Variants in GDAP1 observed in about 807,000 individuals in gnomAD.
GDAP1 encodes ganglioside-induced differentiation-associated protein 1.
A neutral mutation model predicts 40.1 loss-of-function variants in GDAP1; 34 were observed. The ratio of observed to expected loss-of-function variants is 0.85; its 90% confidence interval spans 0.64 to 1.13. The LOEUF is 1.13. GDAP1 is among the 50% of genes most tolerant of loss of function. GDAP1 has a pLI of 0.00. For synonymous variants in GDAP1, 170 were observed against 157.4 expected (o/e 1.08, Z -0.60); for missense variants, 374 against 433.7 (o/e 0.86, Z 1.22).
intron 2 of GDAP1, among the ~76,000 whole-genome samples, chr8:74,485,900 A>G (rs1352703574): frequency 6.6e-6 from 1 of 152,186 alleles, no homozygotes; most frequent in Non-Finnish European, 1.5e-5. Flanking sequence ...AAACATGGCA[A>G]CAGTGATGAT....
At chr8:74,460,242 A>G (rs1401515380) in intron 2 of GDAP1, among the ~76,000 whole-genome samples, 1 of 152,228 alleles carries the variant, frequency 6.6e-6, no homozygotes, top group African/African-American at 2.4e-5. Context: ...TGTTCCTTAA[A>G]TTGTATGTGT....
intron 2 of GDAP1, among the ~76,000 whole-genome samples, chr8:74,463,174 A>T (rs1428423844): frequency 1.1e-4 from 2 of 18,326 alleles, no homozygotes; most frequent in Non-Finnish European, 2.6e-4. Context: ...ATTTTAGGAT[A>T]GGTGTGGTGG....
intron 2 of GDAP1, among the ~76,000 whole-genome samples, chr8:74,417,679 C>T (rs1307815963): frequency 6.8e-6 from 1 of 146,284 alleles, no homozygotes; most frequent in Non-Finnish European, 1.5e-5. Flanking sequence ...ATTGCTTCAA[C>T]CCAGGAGGCG....
Position 74,361,971 on chromosome 8 carries a change from G to A in GDAP1, c.572G>A (p.Arg191Gln), listed in dbSNP as rs772722746. 2 of 1,574,762 alleles carry A rather than the reference G, an allele frequency of 1.3e-6. No individual in the cohort carries two copies. The highest frequency in any genetic ancestry group is 1.7e-6 in the Non-Finnish European group (2 of 1,145,960). ...LQEAYIAKQK[R>Q]LKSKLLDHDN... The stretch of plus-strand genomic sequence containing the variant: ...GAAGCATACATTGCAAAACAGAAAC[G>A]ACTTAAAGTAAGCCAATCAGCTGTC... Residue 191 changes from arginine (R) to glutamine (Q), a missense_variant, in exon 4 of 6, where the codon CGA becomes CAA. By Grantham distance (43) the Arg-to-Gln change is conservative. Coordinates refer to ENST00000220822, the MANE Select transcript of GDAP1 (RefSeq NM_018972.4).
intron 2 of GDAP1, among the ~76,000 whole-genome samples, chr8:74,379,149 A>ATAGTGTACATGAGGAAAGGGTACTG (rs869115492): frequency 6.6e-6 from 1 of 152,050 alleles, no homozygotes; most frequent in African/African-American, 2.4e-5. Context: ...TCAGGGTCCG[A>ATAGTGTACATGAGGAAAGGGTACTG]CTCAGGCTTT....
intron 2 of GDAP1, among the ~76,000 whole-genome samples, chr8:74,419,523 T>C (rs2131558174): frequency 6.6e-6 from 1 of 152,272 alleles, no homozygotes; most frequent in African/African-American, 2.4e-5. Flanking sequence ...TTGGGATGCT[T>C]GCTTTTCTTG....
rs142010375 is a variant in GDAP1, at chr8:74,486,514, G to A, written c.166-2164G>A. Among the ~76,000 whole-genome samples, 4 of 152,286 alleles carry A rather than the reference G, an allele frequency of 2.6e-5. No homozygotes were observed. In the East Asian group the frequency reaches 7.7e-4, roughly 29 times the overall value. ...AATTAGTGAATAACCAGCTGACGCT[G>A]GAATTTCTGCTTTTGATGATTTTGT... On this transcript the variant is annotated intron_variant, in intron 2 of 2. Transcript: ENST00000523640.
chr8:74,396,247 C>T (rs16938900), intron 2 of GDAP1, among the ~76,000 whole-genome samples: 40,923 of 151,412 alleles, frequency 0.27, 6,114 homozygotes, highest in Non-Finnish European at 0.34. Context: ...TTTAAAAACC[C>T]GTGAAATTTA....
At chr8:74,376,030 A>C (rs1809846394) in intron 2 of GDAP1, among the ~76,000 whole-genome samples, 1 of 152,226 alleles carries the variant, frequency 6.6e-6, no homozygotes, top group African/African-American at 2.4e-5. Context: ...CAAAAAAGGT[A>C]AAACACTAAA....
rs538123347 is a variant in GDAP1, at chr8:74,407,585, G to C, written c.165+56264G>C. Among the ~76,000 whole-genome samples the C allele has an allele frequency of 2.6e-4, 39 of 149,912 alleles. No homozygotes were observed. In the South Asian group the frequency reaches 7.7e-3, roughly 30 times the overall value. On this transcript the variant is annotated intron_variant, in intron 2 of 2. Coordinates refer to the GDAP1 transcript ENST00000523640. The stretch of plus-strand genomic sequence containing the variant: ...TACTGGCATCCTTGATCCTCAGCTT[G>C]CTGACAGCCTATCGTGAGACTTCAC...
intron 2 of GDAP1, among the ~76,000 whole-genome samples, chr8:74,386,279 A>T (rs1337084174): frequency 1.3e-5 from 2 of 152,090 alleles, no homozygotes; most frequent in Non-Finnish European, 2.9e-5. Flanking sequence ...TATGTCCTGA[A>T]TGGTATTGCC....
chr8:74,373,397 T>A (rs1413061063), intron 2 of GDAP1, among the ~76,000 whole-genome samples: 1 of 152,210 alleles, frequency 6.6e-6, no homozygotes, highest in Admixed American at 6.5e-5. Context: ...GAGCATGGAA[T>A]GTTCTTCCAT....
chr8:74,423,412 G>A (rs1009307394), intron 2 of GDAP1, among the ~76,000 whole-genome samples: 1 of 145,594 alleles, frequency 6.9e-6, no homozygotes, highest in African/African-American at 2.5e-5. Flanking sequence ...ATATATAATA[G>A]TATATATACT....
chr8:74,478,192 G>A (rs1236450248), intron 2 of GDAP1, among the ~76,000 whole-genome samples: 1 of 152,156 alleles, frequency 6.6e-6, no homozygotes, highest in Non-Finnish European at 1.5e-5. Context: ...TGGCAGTGTG[G>A]CAAGGGGAGA....
rs1398809635 is a variant in GDAP1 at position 74,452,590 on chromosome 8, C to T, written c.166-36088C>T. Among the ~76,000 whole-genome samples the T allele has an allele frequency of 2.4e-5, 2 of 83,738 alleles. 1 individual carries two copies. The highest frequency in any genetic ancestry group is 7.0e-4 in the East Asian group (2 of 2,850). The allele number at this position is 83,738 out of a possible 152,430, so 54.9% of individuals were successfully genotyped here. ...AAGAAATGAATATACATATTTTTTT[C>T]ACATATGCTTTTTAGCTCTAGAATT... On this transcript the variant is annotated intron_variant, in intron 2 of 2. Coordinates refer to the GDAP1 transcript ENST00000523640.
intron 2 of GDAP1, among the ~76,000 whole-genome samples, chr8:74,443,220 G>A (rs2131573256): frequency 6.6e-6 from 1 of 152,274 alleles, no homozygotes; most frequent in South Asian, 2.1e-4. Flanking sequence ...GCATTTTGTT[G>A]GGAAGGCAGG....
At chr8:74,375,276 G>A (rs1490198783) in intron 2 of GDAP1, among the ~76,000 whole-genome samples, 1 of 151,890 alleles carries the variant, frequency 6.6e-6, no homozygotes, top group Non-Finnish European at 1.5e-5. Flanking sequence ...GCAGTGAGCC[G>A]AGATCGCGCC....
intron 4 of GDAP1, among the ~76,000 whole-genome samples, 155 bp from the exon 5 acceptor site, chr8:74,362,784 C>CTCT (rs1300148699): frequency 8.1e-4 from 49 of 60,438 alleles, no homozygotes; most frequent in African/African-American, 1.6e-3. Flanking sequence ...CTCTCTCTCT[C>CTCT]TTTTTTTTTT....
At chr8:74,443,980 G>GTCTATCTATCTA (rs34362360) in intron 2 of GDAP1, among the ~76,000 whole-genome samples, 1,629 of 147,416 alleles carry the variant, frequency 0.011, 5 homozygotes, top group East Asian at 0.017. Flanking sequence ...CTTTCTGTCT[G>GTCTATCTATCTA]TCTATCTATC....
Sources: allele counts gnomAD v4.1 joint callset (sites outside exome capture counted in the v4.1 genomes callset), GRCh38; gene constraint gnomAD v4.1.1; transcripts MANE v1.5; gene names NCBI Gene and HGNC (gene_info 2026-07-23, HGNC 2026-07-21).